KIFC2: variants seen among roughly 807,000 people sequenced by gnomAD.
The protein encoded by KIFC2 is kinesin family member C2.
In KIFC2, 94 loss-of-function variants were observed where a neutral mutation model predicts 91.5. That is an observed-to-expected ratio of 1.03 (90% confidence interval 0.87 to 1.22). The LOEUF is 1.22. KIFC2 is among the 50% of genes most tolerant of loss of function. The pLI is 0.00. For synonymous variants in KIFC2, 729 were observed against 503.9 expected (o/e 1.45, Z -5.98); for missense variants, 1,357 against 1,103.3 (o/e 1.23, Z -3.26).
chr8:144,468,248 C>T (rs1303374391), intron 7 of KIFC2, 81 bp from the exon 8 acceptor site: 4 of 1,327,114 alleles, frequency 3.0e-6, no homozygotes, highest in African/African-American at 1.4e-5. Context: ...CTGCCCACCT[C>T]TTGACTTGAC....
chr8:144,469,500 T>C lies in KIFC2; in HGVS notation c.1233T>C (p.Arg411=), dbSNP rs774889546. 5 of 1,613,884 alleles carry C rather than the reference T, an allele frequency of 3.1e-6. No homozygotes were observed. In the African/African-American group the frequency reaches 6.7e-5, roughly 22 times the overall value. ...GRLPELKGNI[R]VLCRLRPGTS... ...TGATCCCCACTGCAGGAAATATCCG[T>C]GTGCTGTGTCGGCTGAGGCCAGGGA... The change falls in exon 12 of 18, where the codon CGT becomes CGC. Residue 411 remains arginine, a synonymous_variant. Coordinates refer to ENST00000645548, the MANE Select transcript of KIFC2 (RefSeq NM_001369769.2).
chr8:144,473,141 C>T lies in KIFC2; in HGVS notation c.2128C>T (p.Arg710Trp). Reference protein sequence around the residue: ...TAVLLLQISTRPEDLGETVCS... With the variant: ...TAVLLLQISTWPEDLGETVCS... ...CGCCTCTTGCCCGCAGATCTCCACG[C>T]GGCCGGAGGATCTCGGGGAGACAGT... Residue 710 changes from arginine to tryptophan, a missense_variant, in exon 18 of 18, where the codon CGG becomes TGG. By Grantham distance (101) the Arg-to-Trp change is moderately radical (BLOSUM62 -3). Transcript: ENST00000645548. 1.9e-6 allele frequency: 3 copies of T among 1,562,304 alleles called. No individual in the cohort carries two copies. The highest frequency in any genetic ancestry group is 2.6e-6 in the Non-Finnish European group (3 of 1,154,236).
Position 144,473,285 on chromosome 8 carries a change from G to A in KIFC2, c.2272G>A (p.Gly758Arg), listed in dbSNP as rs776683043. The change falls in exon 18 of 18, where the codon GGG becomes AGG. Residue 758 changes from glycine to arginine, a missense_variant. By Grantham distance (125) the Gly-to-Arg change is moderately radical. Transcript: ENST00000645548. ...SSLSTDTPLT[G>R]TPCTPTPSPG... Reference sequence around the variant, plus strand: ...CCTCAGCACCGACACTCCGCTCACCGGGACCCCCTGCACCCCTACGCCGTC... The same window carrying A: ...CCTCAGCACCGACACTCCGCTCACCAGGACCCCCTGCACCCCTACGCCGTC... 4.4e-6 allele frequency: 7 copies of A among 1,605,618 alleles called. No homozygotes were observed. The highest frequency in any genetic ancestry group is 1.1e-5 in the South Asian group (1 of 89,856).
At position 144,468,845 on chromosome 8, in the gene KIFC2, C is replaced by T. The variant is rs775205590; in HGVS notation, c.1113+11C>T. The T allele has an allele frequency of 2.5e-6, 4 of 1,604,054 alleles. No homozygotes were observed. Among genetic ancestry groups the T allele is most frequent in the African/African-American group, 1.3e-5 (1 of 74,816 alleles). On this transcript the variant is annotated intron_variant, in intron 10 of 17. Transcript: ENST00000645548. ...GAGGCCCGGGGCCAGGTCAGGACCC[C>T]TCCCCGCCTAGCCCCTCCTCTCTGG...
rs753864815 is a variant in KIFC2 at position 144,472,366 on chromosome 8, T to G, written c.1613T>G (p.Leu538Arg). ...ACCTTCCCCTTTCTCACCAGGGACC[T>G]CCTTGCTCCAGGGCCTCCCGAGCGC... ...VEIYNEAVRD[L>R]LAPGPPERLA... The change falls in exon 15 of 18, where the codon CTC becomes CGC. Residue 538 changes from leucine to arginine, a missense_variant. Coordinates refer to ENST00000645548, the MANE Select transcript of KIFC2 (RefSeq NM_001369769.2). 6.2e-7 allele frequency: 1 copy of G among 1,613,380 alleles called. No homozygotes were observed. The highest frequency in any genetic ancestry group is 8.5e-7 in the Non-Finnish European group (1 of 1,179,952).
chr8:144,467,710 C>CCAGCTGGAGGAGCTGAAGCAG lies in KIFC2; in HGVS notation c.621_641dup. 1 of 1,613,692 alleles carries CCAGCTGGAGGAGCTGAAGCAG rather than the reference C, an allele frequency of 6.2e-7. No individual in the cohort carries two copies. The highest frequency in any genetic ancestry group is 8.5e-7 in the Non-Finnish European group (1 of 1,179,884). On this transcript the variant is annotated splice_polypyrimidine_tract_variant and splice_region_variant and intron_variant, in intron 5 of 17. Coordinates refer to ENST00000645548, the MANE Select transcript of KIFC2 (RefSeq NM_001369769.2). ...TCCACCCTGTCTCTCTTACTTCTCC[C>CCAGCTGGAGGAGCTGAAGCAG]CAGCTGGAGGAGCTGAAGCAGCAGC...
Position 144,473,903 on chromosome 8 carries a change from C to G in KIFC2, c.*514C>G. On this transcript the variant is annotated 3_prime_UTR_variant, in exon 18 of 18. Transcript: ENST00000645548. ...ACCACTGGGCTCTCCCTCCCCCAGC[C>G]TGGAGCACGGGAGGGGAGGTGACGG... The G allele has an allele frequency of 2.3e-6, 1 of 425,728 alleles. No homozygotes were observed. Among genetic ancestry groups the G allele is most frequent in the East Asian group, 3.9e-5 (1 of 25,580 alleles). The allele number at this position is 425,728 out of a possible 1,614,324, so 26.4% of individuals were successfully genotyped here.
Position 144,467,150 on chromosome 8 carries a change from C to T in KIFC2, c.330+40C>T, listed in dbSNP as rs766616444. Reference sequence around the variant, plus strand: ...GGGGGCTGCTGGCAGGTACCACCTGCCCCGGCCTTCCTGGCTTTCACAGCC... The same window carrying T: ...GGGGGCTGCTGGCAGGTACCACCTGTCCCGGCCTTCCTGGCTTTCACAGCC... On this transcript the variant is annotated intron_variant, in intron 3 of 17. Transcript: ENST00000645548. 1.2e-5 allele frequency: 19 copies of T among 1,612,100 alleles called. No homozygotes were observed. In the South Asian group the frequency reaches 2.0e-4, roughly 17 times the overall value.
Position 144,473,609 on chromosome 8 carries a change from A to G in KIFC2, c.*220A>G. On this transcript the variant is annotated 3_prime_UTR_variant, in exon 18 of 18. Coordinates refer to ENST00000645548, the MANE Select transcript of KIFC2 (RefSeq NM_001369769.2). ...CCCGCCCCCAGCCCTGCATCAGGCC[A>G]CAGGTCTTGGCTTTCTCCTTATCAC... 1.6e-6 allele frequency: 1 copy of G among 609,254 alleles called. No homozygotes were observed. Among genetic ancestry groups the G allele is most frequent in the Non-Finnish European group, 2.6e-6 (1 of 391,286 alleles). 37.7% of individuals were successfully genotyped at this position (609,254 alleles called of 1,614,324 possible).
chr8:144,471,820 C>A, intron 12 of KIFC2, 122 bp from the exon 13 acceptor site: 1 of 813,352 alleles, frequency 1.2e-6, no homozygotes, highest in South Asian at 1.5e-5. Flanking sequence ...TCCCTTAGAG[C>A]CATCCTCCCA....
intron 11 of KIFC2, 39 bp from the exon 12 acceptor site, chr8:144,469,451 G>T: frequency 6.2e-7 from 1 of 1,613,580 alleles, no homozygotes; most frequent in East Asian, 2.2e-5. Flanking sequence ...TGTGCTTTAG[G>T]GTCTGCGAGG....
At position 144,468,670 on chromosome 8, in the gene KIFC2, C is replaced by T; in HGVS notation, c.1003+20C>T. On this transcript the variant is annotated intron_variant, in intron 9 of 17. Coordinates refer to ENST00000645548, the MANE Select transcript of KIFC2 (RefSeq NM_001369769.2). The stretch of plus-strand genomic sequence containing the variant: ...TGGCAGGTAAGGGTTGGGGTTGGGG[C>T]TCATGGGAGGCCCTGGAGGCTGGGC... 3 of 1,613,040 alleles carry T rather than the reference C, an allele frequency of 1.9e-6. No homozygotes were observed. Among genetic ancestry groups the T allele is most frequent in the Non-Finnish European group, 2.5e-6 (3 of 1,179,294 alleles).
chr8:144,470,834 A>G (rs1824896327), intron 12 of KIFC2, among the ~76,000 whole-genome samples: 1 of 152,236 alleles, frequency 6.6e-6, no homozygotes, highest in African/African-American at 2.4e-5. Flanking sequence ...GCACTGCCAC[A>G]AGTGTTCACA....
chr8:144,468,279 A>C (rs1361462661), intron 7 of KIFC2, 50 bp from the exon 8 acceptor site: 12 of 1,496,316 alleles, frequency 8.0e-6, no homozygotes. Context: ...GTGAAATGGT[A>C]CCACAGACCG....
In KIFC2 at chr8:144,468,349, A is replaced by G; in HGVS notation, c.831A>G (p.Leu277=). ...RAPQEEAEAL[L]ELQGRLQEAQ... Reference sequence around the variant, plus strand: ...CGCAGGAGGAGGCAGAGGCATTGCTAGAGCTCCAGGGCCGGCTTCAGGAGG... The same window carrying G: ...CGCAGGAGGAGGCAGAGGCATTGCTGGAGCTCCAGGGCCGGCTTCAGGAGG... Residue 277 remains leucine, a synonymous_variant, in exon 8 of 18, where the codon CTA becomes CTG. Transcript: ENST00000645548. 6.2e-7 allele frequency: 1 copy of G among 1,612,492 alleles called. No individual in the cohort carries two copies. The highest frequency in any genetic ancestry group is 8.5e-7 in the Non-Finnish European group (1 of 1,179,670).
At chr8:144,471,883 A>G in intron 12 of KIFC2, 59 bp from the exon 13 acceptor site, 3 of 1,490,510 alleles carry the variant, frequency 2.0e-6, no homozygotes, top group Non-Finnish European at 2.8e-6. Context: ...ACCCCACCAA[A>G]TAGGGCATAA....
At position 144,469,290 on chromosome 8, in the gene KIFC2, C is replaced by T; in HGVS notation, c.1133C>T (p.Ala378Val). ...CCTCAGGTGTCCTGGGCCTTGGGGG[C>T]ACTGTCATCTGGAGGGCCTGGCACT... ...ARGQVSWALG[A>V]LSSGGPGTQL... The change falls in exon 11 of 18, where the codon GCA (alanine) becomes GTA (valine). Residue 378 changes from alanine to valine, a missense_variant. Physicochemically the swap from Ala to Val is moderately conservative, Grantham distance 64. Coordinates refer to ENST00000645548, the MANE Select transcript of KIFC2 (RefSeq NM_001369769.2). The T allele has an allele frequency of 6.2e-7, 1 of 1,601,036 alleles. No homozygotes were observed. Among genetic ancestry groups the T allele is most frequent in the Non-Finnish European group, 8.5e-7 (1 of 1,175,740 alleles).
Position 144,474,176 on chromosome 8 carries a change from G to T in KIFC2, c.*787G>T. On this transcript the variant is annotated 3_prime_UTR_variant, in exon 18 of 18. Coordinates refer to ENST00000645548, the MANE Select transcript of KIFC2 (RefSeq NM_001369769.2). ...GGTCGCAGACAGCCGCCTCGCCTTGGCTCCCTGTCAACAAGGTGGGGGTGG... is the reference window on the plus strand; with the variant it reads ...GGTCGCAGACAGCCGCCTCGCCTTGTCTCCCTGTCAACAAGGTGGGGGTGG... 7.5e-7 allele frequency: 1 copy of T among 1,326,816 alleles called. No homozygotes were observed. The highest frequency in any genetic ancestry group is 1.0e-6 in the Non-Finnish European group (1 of 975,946). The allele number at this position is 1,326,816 out of a possible 1,614,324, so 82.2% of individuals were successfully genotyped here. A position where few individuals can be genotyped will look rare whatever the true frequency, so the allele number is the denominator to read the frequency against.
At position 144,466,469 on chromosome 8, in the gene KIFC2, G is replaced by C; in HGVS notation, c.50G>C (p.Arg17Pro). Residue 17 changes from arginine to proline, a missense_variant, in exon 1 of 18, where the codon CGC (arginine) becomes CCC (proline). Physicochemically the swap from Arg to Pro is moderately radical, Grantham distance 103 (BLOSUM62 -2). Transcript: ENST00000645548. ...LLIYIFYSLF[R>P]RDGGAAAAAE... ...ATCTACATCTTCTACAGCCTCTTCC[G>C]CAGGGATGGTGGCGCCGCGGCGGCC... 7.4e-7 allele frequency: 1 copy of C among 1,352,676 alleles called. No homozygotes were observed. Among genetic ancestry groups the C allele is most frequent in the Non-Finnish European group, 9.6e-7 (1 of 1,041,368 alleles). 83.8% of individuals were successfully genotyped at this position (1,352,676 alleles called of 1,614,324 possible).
Sources: allele counts gnomAD v4.1 joint callset (sites outside exome capture counted in the v4.1 genomes callset), GRCh38; gene constraint gnomAD v4.1.1; transcripts MANE v1.5; gene names NCBI Gene and HGNC (gene_info 2026-07-23, HGNC 2026-07-21).